Variants in SSBP2 observed in about 807,000 individuals in gnomAD.
SSBP2 encodes the protein single-stranded DNA-binding protein 2.
SSBP2 carries 17 observed loss-of-function variants against 61.8 expected under a neutral mutation model. That is an observed-to-expected ratio of 0.28 (90% CI 0.19 to 0.41). The LOEUF is 0.41. Ranked by LOEUF, SSBP2 falls within the 10% of genes least tolerant of loss-of-function variation. The probability of loss-of-function intolerance (pLI) is 1.00; values close to 1 mark genes in which losing one functional copy is unlikely to be tolerated. For synonymous variants in SSBP2, 139 were observed against 141.3 expected (o/e 0.98, Z 0.12); for missense variants, 310 against 458.7 (o/e 0.68, Z 2.96).
intron 1 of SSBP2, among the ~76,000 whole-genome samples, chr5:81,749,726 A>G (rs765745135): frequency 2.0e-5 from 3 of 152,016 alleles, no homozygotes; most frequent in Non-Finnish European, 4.4e-5. Context: ...TCTCATTTTT[A>G]GTAACAACCA....
intron 1 of SSBP2, among the ~76,000 whole-genome samples, chr5:81,742,553 C>G (rs1757101188): frequency 6.6e-6 from 1 of 152,116 alleles, no homozygotes; most frequent in African/African-American, 2.4e-5. Context: ...TATGGAGCTT[C>G]CAATCTAACT....
rs187630242 is a variant in SSBP2, at chr5:81,583,617, G to A, written c.282+31856C>T. ...TGCACTCCAGCCTGGGCGACAGAGC[G>A]AGACACCGTCTCAAAAAAAAAAAAA... is the stretch of plus-strand genomic sequence containing the variant. On this transcript the variant is annotated intron_variant, in intron 4 of 16. Coordinates refer to ENST00000320672, the MANE Select transcript of SSBP2 (RefSeq NM_012446.5). 4.3e-5 allele frequency among the ~76,000 whole-genome samples: 6 copies of A among 140,170 alleles called. No homozygotes were observed. In the South Asian group the frequency reaches 6.9e-4, roughly 16 times the overall value. 92.0% of individuals were successfully genotyped at this position (140,170 alleles called of 152,430 possible).
chr5:81,714,464 C>A (rs1389275962), intron 1 of SSBP2, among the ~76,000 whole-genome samples: 1 of 152,114 alleles, frequency 6.6e-6, no homozygotes, highest in African/African-American at 2.4e-5. Context: ...GGTTCTAGAT[C>A]CTTGAGGAAT....
At chr5:81,668,469 G>T (rs531047760) in intron 1 of SSBP2, among the ~76,000 whole-genome samples, 2 of 151,582 alleles carry the variant, frequency 1.3e-5, no homozygotes, top group African/African-American at 4.8e-5. Context: ...GTAAATTTTC[G>T]TTAAAAAAAG....
intron 3 of SSBP2, among the ~76,000 whole-genome samples, chr5:81,626,543 T>G (rs565441429): frequency 1.3e-5 from 2 of 152,276 alleles, no homozygotes; most frequent in African/African-American, 4.8e-5. Context: ...TATGGGCAGG[T>G]TTCTACAGTT....
At chr5:81,686,854 C>CAA (rs57665340) in intron 1 of SSBP2, among the ~76,000 whole-genome samples, 3 of 91,048 alleles carry the variant, frequency 3.3e-5, no homozygotes, top group Non-Finnish European at 6.1e-5. Context: ...GACTTCATCT[C>CAA]AAAAAAAAAA....
intron 4 of SSBP2, among the ~76,000 whole-genome samples, chr5:81,539,615 C>T (rs868700308): frequency 1.3e-5 from 2 of 152,046 alleles, no homozygotes; most frequent in South Asian, 2.1e-4. Context: ...TAAGAAACTG[C>T]CACAGCCACC....
At chr5:81,615,339 T>C in intron 4 of SSBP2, 134 bp downstream of exon 4, 1 of 713,284 alleles carries the variant, frequency 1.4e-6, no homozygotes, top group Non-Finnish European at 2.5e-6. Flanking sequence ...ATGAACCTAC[T>C]TTTCAAGAAA....
chr5:81,451,060 G>C (rs1763736384), intron 10 of SSBP2, among the ~76,000 whole-genome samples: 1 of 152,182 alleles, frequency 6.6e-6, no homozygotes, highest in African/African-American at 2.4e-5. Flanking sequence ...GGGAAAAAAA[G>C]CCCTGATTTA....
chr5:81,729,733 A>G (rs956077413), intron 1 of SSBP2, among the ~76,000 whole-genome samples: 3 of 152,126 alleles, frequency 2.0e-5, no homozygotes, highest in Non-Finnish European at 2.9e-5. Flanking sequence ...ACCTTTAATT[A>G]TATTTATTTT....
chr5:81,592,842 C>T (rs983923340), intron 4 of SSBP2, among the ~76,000 whole-genome samples: 7 of 152,106 alleles, frequency 4.6e-5, no homozygotes, highest in East Asian at 1.9e-4. Context: ...CCCATCTGTA[C>T]GTCACCATCA....
intron 2 of SSBP2, among the ~76,000 whole-genome samples, chr5:81,647,585 T>C (rs1180712668): frequency 6.6e-6 from 1 of 152,116 alleles, no homozygotes; most frequent in East Asian, 1.9e-4. Flanking sequence ...AGAATAGTTC[T>C]GAAAATCACA....
At chr5:81,480,671 G>T (rs190345938) in intron 6 of SSBP2, among the ~76,000 whole-genome samples, 6 of 152,300 alleles carry the variant, frequency 3.9e-5, no homozygotes, top group Admixed American at 3.9e-4. Flanking sequence ...CTCCCAAAGT[G>T]TTGGGATTAC....
intron 1 of SSBP2, among the ~76,000 whole-genome samples, chr5:81,720,799 A>C (rs1485210529): frequency 6.6e-6 from 1 of 152,200 alleles, no homozygotes; most frequent in Non-Finnish European, 1.5e-5. Flanking sequence ...GAAAAGCTTG[A>C]ATCTCTGTAT....
At chr5:81,527,153 A>G (rs1770004646) in intron 4 of SSBP2, among the ~76,000 whole-genome samples, 2 of 152,034 alleles carry the variant, frequency 1.3e-5, no homozygotes, top group Non-Finnish European at 2.9e-5. Flanking sequence ...TTATCATAGG[A>G]TCAATATGAA....
At chr5:81,422,740 T>C (rs1761689834) in intron 16 of SSBP2, among the ~76,000 whole-genome samples, 1 of 151,788 alleles carries the variant, frequency 6.6e-6, no homozygotes, top group Non-Finnish European at 1.5e-5. Flanking sequence ...CCCTTGATCA[T>C]AGCAGCAGAA....
rs77592252 is a variant in SSBP2 at position 81,675,062 on chromosome 5, T to C, written c.63-24723A>G. Among the ~76,000 whole-genome samples, 1,266 of 152,216 alleles carry C rather than the reference T, an allele frequency of 8.3e-3. 26 individuals are homozygous for C. The highest frequency in any genetic ancestry group is 0.029 in the African/African-American group (1,213 of 41,534). ...TTTCCAAGAGAAATACCATAGAAGC[T>C]CCAAAAGAGCAGATTAACCAAAAGC... On this transcript the variant is annotated intron_variant, in intron 1 of 16. Coordinates refer to ENST00000320672, the MANE Select transcript of SSBP2 (RefSeq NM_012446.5).
intron 4 of SSBP2, among the ~76,000 whole-genome samples, chr5:81,515,476 C>A (rs1768945909): frequency 6.6e-6 from 1 of 151,964 alleles, no homozygotes. Context: ...ACAGAATTTA[C>A]TGAATTACTA....
chr5:81,592,181 G>C (rs148488700), intron 4 of SSBP2, among the ~76,000 whole-genome samples: 26,884 of 152,272 alleles, frequency 0.18, 2,468 homozygotes, highest in Non-Finnish European at 0.21. Flanking sequence ...CACACCAGGA[G>C]ATTATATCCC....
Sources: gnomAD v4.1 joint callset for allele counts (sites outside exome capture counted in the v4.1 genomes callset) on GRCh38, gnomAD v4.1.1 for gene constraint, MANE v1.5 for transcripts, NCBI Gene and HGNC (gene_info 2026-07-23, HGNC 2026-07-21) for gene names.